PKHD1L1: variants seen among roughly 807,000 people sequenced by gnomAD.
The protein encoded by PKHD1L1 is fibrocystin-L.
PKHD1L1 carries 434 observed loss-of-function variants against 462.9 expected under a neutral mutation model. That is an observed-to-expected ratio of 0.94 (90% CI 0.87 to 1.02). The LOEUF (loss-of-function observed/expected upper bound fraction) is 1.02, where lower values mean the gene tolerates loss of function less well. PKHD1L1 is among the 50% of genes least tolerant of loss of function. The probability of loss-of-function intolerance (pLI) is 0.00; values close to 1 mark genes in which losing one functional copy is unlikely to be tolerated. For missense variants in PKHD1L1, 5,202 were observed against 5,096.1 expected (o/e 1.02, Z -0.63); for synonymous variants, 1,781 against 1,750.0 (o/e 1.02, Z -0.44).
At chr8:109,410,282 T>C (rs1172286038) in intron 19 of PKHD1L1, among the ~76,000 whole-genome samples, 1 of 152,176 alleles carries the variant, frequency 6.6e-6, no homozygotes, top group Non-Finnish European at 1.5e-5. Flanking sequence ...CATTGTTGCG[T>C]TGCTATAAAG....
chr8:109,485,770 G>A (rs1818493567), intron 58 of PKHD1L1, among the ~76,000 whole-genome samples: 1 of 151,862 alleles, frequency 6.6e-6, no homozygotes, highest in Non-Finnish European at 1.5e-5. Context: ...GGGAACTCCA[G>A]ATGCAAGACA....
In PKHD1L1 at chr8:109,401,479, CTG is replaced by C; in HGVS notation, c.1282-16_1282-15del. The C allele has an allele frequency of 7.3e-7, 1 of 1,366,904 alleles. No individual in the cohort carries two copies. The highest frequency in any genetic ancestry group is 1.0e-6 in the Non-Finnish European group (1 of 963,914). 84.7% of individuals were successfully genotyped at this position (1,366,904 alleles called of 1,614,324 possible). On this transcript the variant is annotated splice_polypyrimidine_tract_variant and intron_variant, in intron 13 of 77. Coordinates refer to ENST00000378402, the MANE Select transcript of PKHD1L1 (RefSeq NM_177531.6). Reference sequence around the variant, plus strand: ...AATAAATTCTCCCTTTTCTCTGTCTCTGTCTCTCTCGGATTAGGTGAGGATTG... The same window carrying C: ...AATAAATTCTCCCTTTTCTCTGTCTCTCTCTCTCGGATTAGGTGAGGATTG...
rs1489079631 is a variant in PKHD1L1 at position 109,462,040 on chromosome 8, T to C, written c.7383+132T>C. On this transcript the variant is annotated intron_variant, in intron 48 of 77. Coordinates refer to ENST00000378402, the MANE Select transcript of PKHD1L1 (RefSeq NM_177531.6). ...GGAGACAGATACATAAGTAAACAAT[T>C]TTAATACACCCATTTGATCATGCCA... is the stretch of plus-strand genomic sequence containing the variant. 4 of 1,115,550 alleles carry C rather than the reference T, an allele frequency of 3.6e-6. No individual in the cohort carries two copies. The African/African-American group carries it at 4.8e-5, about 13-fold the overall frequency. 69.1% of individuals were successfully genotyped at this position (1,115,550 alleles called of 1,614,324 possible). A position where few individuals can be genotyped will look rare whatever the true frequency, so the allele number is the denominator to read the frequency against.
At chr8:109,379,832 TAG>T (rs908065317) in intron 2 of PKHD1L1, among the ~76,000 whole-genome samples, 3 of 152,200 alleles carry the variant, frequency 2.0e-5, no homozygotes, top group Non-Finnish European at 2.9e-5. Context: ...AGTATATGAC[TAG>T]AGATAATCAG....
Position 109,454,733 on chromosome 8 carries a change from A to G in PKHD1L1, c.6755A>G (p.Glu2252Gly). 1 of 1,613,736 alleles carries G rather than the reference A, an allele frequency of 6.2e-7. No homozygotes were observed. The highest frequency in any genetic ancestry group is 8.5e-7 in the Non-Finnish European group (1 of 1,179,732). Residue 2252 changes from glutamate (E) to glycine (G), a missense_variant, in exon 45 of 78, where the codon GAG becomes GGG. Around this residue, in one of 3 missense-constraint regions of PKHD1L1, gnomAD observed 4,497 missense variants for 4,336.8 expected, o/e 1.04. Transcript: ENST00000378402. ...TGACATCTTTTGCAGATTGGAACAGAGACATCCCCATTCCAACACAAGGCT... is the reference window on the plus strand; with the variant it reads ...TGACATCTTTTGCAGATTGGAACAGGGACATCCCCATTCCAACACAAGGCT... Reference protein sequence around the residue: ...TDGGVLQIGTETSPFQHKAVI... With the variant: ...TDGGVLQIGTGTSPFQHKAVI...
intron 2 of PKHD1L1, among the ~76,000 whole-genome samples, chr8:109,370,283 T>G (rs1037229464): frequency 1.3e-5 from 2 of 151,918 alleles, no homozygotes; most frequent in Non-Finnish European, 2.9e-5. Flanking sequence ...ATCTGGCTAT[T>G]TTTTATATTT....
intron 36 of PKHD1L1, 140 bp from the exon 37 acceptor site, chr8:109,443,536 C>T: frequency 1.5e-6 from 1 of 665,382 alleles, no homozygotes; most frequent in Non-Finnish European, 2.5e-6. Context: ...CTGCCTAAGA[C>T]CCATTTGTCA....
Position 109,443,788 on chromosome 8 carries a change from G to A in PKHD1L1, c.4677G>A (p.Glu1559=), listed in dbSNP as rs771075026. ...RVKNSKRLLF[E]VSSCFSPSIS... ...AAAATTCAAAAAGATTGCTATTTGAGGTTTCAAGTTGTTTTTCACCATCTA... is the reference window on the plus strand; with the variant it reads ...AAAATTCAAAAAGATTGCTATTTGAAGTTTCAAGTTGTTTTTCACCATCTA... The change falls in exon 37 of 78, where the codon GAG becomes GAA. Residue 1559 remains glutamate, a synonymous_variant. Coordinates refer to ENST00000378402, the MANE Select transcript of PKHD1L1 (RefSeq NM_177531.6). 1.9e-6 allele frequency: 3 copies of A among 1,613,670 alleles called. No homozygotes were observed. Among genetic ancestry groups the A allele is most frequent in the South Asian group, 2.2e-5 (2 of 91,074 alleles).
intron 63 of PKHD1L1, among the ~76,000 whole-genome samples, chr8:109,495,556 G>A (rs1819040562): frequency 6.6e-6 from 1 of 151,960 alleles, no homozygotes; most frequent in Non-Finnish European, 1.5e-5. Context: ...GGGAAACTGG[G>A]GATAGTGATA....
chr8:109,427,480 G>C (rs1044254216), intron 25 of PKHD1L1, among the ~76,000 whole-genome samples: 5 of 152,134 alleles, frequency 3.3e-5, no homozygotes, highest in African/African-American at 1.2e-4. Context: ...ACTAAATCCA[G>C]ATGTATGCTA....
intron 41 of PKHD1L1, 88 bp from the exon 42 acceptor site, chr8:109,452,036 C>A: frequency 3.4e-6 from 4 of 1,182,426 alleles, no homozygotes; most frequent in East Asian, 2.9e-5. Context: ...TTTTTTTTTG[C>A]AATAATACAT....
intron 68 of PKHD1L1, among the ~76,000 whole-genome samples, chr8:109,505,755 A>G (rs1335845754): frequency 6.6e-6 from 1 of 150,750 alleles, no homozygotes; most frequent in Non-Finnish European, 1.5e-5. Context: ...AAAAATAAAA[A>G]TTAGCTGGGT....
At chr8:109,463,988 T>C (rs1426373674) in intron 48 of PKHD1L1, among the ~76,000 whole-genome samples, 1 of 152,174 alleles carries the variant, frequency 6.6e-6, no homozygotes, top group East Asian at 1.9e-4. Flanking sequence ...GAGTCAAAGA[T>C]GGCTTTTTAC....
At chr8:109,443,158 C>A (rs1285892078) in intron 36 of PKHD1L1, 42 bp downstream of exon 36, 1 of 1,584,984 alleles carries the variant, frequency 6.3e-7, no homozygotes, top group Admixed American at 1.7e-5. Flanking sequence ...ACAGGTGACC[C>A]AGGGTGTATG....
At chr8:109,403,037 A>G (rs1239452697) in intron 14 of PKHD1L1, among the ~76,000 whole-genome samples, 3 of 152,150 alleles carry the variant, frequency 2.0e-5, no homozygotes, top group Admixed American at 2.0e-4. Context: ...GTGTCAGTAC[A>G]TTTTCAGACT....
chr8:109,439,468 G>C (rs1207058829), intron 32 of PKHD1L1, among the ~76,000 whole-genome samples: 2 of 152,108 alleles, frequency 1.3e-5, no homozygotes, highest in Non-Finnish European at 2.9e-5. Flanking sequence ...TGGAGAGAGA[G>C]ATTTCAAACA....
At chr8:109,441,645 T>C (rs1467143425) in intron 34 of PKHD1L1, among the ~76,000 whole-genome samples, 3 of 152,186 alleles carry the variant, frequency 2.0e-5, no homozygotes, top group Non-Finnish European at 4.4e-5. Context: ...CAGATTGTTG[T>C]AGTTTATTAT....
rs749260571 is a variant in PKHD1L1, at chr8:109,454,766, C to A, written c.6788C>A (p.Thr2263Asn). Residue 2263 changes from threonine (T) to asparagine (N), a missense_variant, in exon 45 of 78, where the codon ACC (threonine) becomes AAC (asparagine). This residue lies in a region of PKHD1L1 where 4,497 missense variants were observed against 4,336.8 expected (regional missense o/e 1.04). Transcript: ENST00000378402. The part of the protein sequence containing the change: ...TSPFQHKAVI[T>N]LHGHLRSPEL... ...CCATTCCAACACAAGGCTGTCATTACCTTGCATGGTCACCTGCGATCTCCT... is the reference window on the plus strand; with the variant it reads ...CCATTCCAACACAAGGCTGTCATTAACTTGCATGGTCACCTGCGATCTCCT... 6.2e-7 allele frequency: 1 copy of A among 1,613,830 alleles called. No homozygotes were observed. The highest frequency in any genetic ancestry group is 1.7e-5 in the Admixed American group (1 of 60,012).
intron 58 of PKHD1L1, among the ~76,000 whole-genome samples, chr8:109,485,834 T>G (rs1161810807): frequency 1.3e-5 from 2 of 151,964 alleles, no homozygotes; most frequent in African/African-American, 4.8e-5. Flanking sequence ...TGAAAAGAAC[T>G]TCTCAAAGCA....
Sources: gnomAD v4.1 joint callset for allele counts (sites outside exome capture counted in the v4.1 genomes callset) on GRCh38, gnomAD v4.1.1 for gene constraint, gnomAD v4.1.1 regional missense constraint, MANE v1.5 for transcripts, NCBI Gene and HGNC (gene_info 2026-07-23, HGNC 2026-07-21) for gene names.